The following JMJD1C variants were observed in gnomAD, a reference collection of about 807,000 sequenced individuals.
JMJD1C encodes jumonji domain-containing protein 1C.
Under a neutral mutation model 245.3 loss-of-function variants are expected in JMJD1C, and 31 were observed. The observed-to-expected ratio is 0.13, with a 90% CI of 0.09 to 0.17. The LOEUF (loss-of-function observed/expected upper bound fraction) is 0.17, where lower values mean the gene tolerates loss of function less well. Among genes scored for constraint, JMJD1C ranks in the 10% least tolerant of loss-of-function variants. The pLI, the probability that JMJD1C is intolerant of heterozygous loss-of-function variation, is 1.00. For synonymous variants in JMJD1C, 1,057 were observed against 1,017.4 expected, an observed-to-expected ratio of 1.04 and a Z score of -0.74; for missense variants, 2,691 against 3,000.2, an observed-to-expected ratio of 0.90 and a Z score of 2.41.
At chr10:63,368,077 A>G (rs1946003812) in intron 2 of JMJD1C, among the ~76,000 whole-genome samples, 1 of 152,230 alleles carries the variant, frequency 6.6e-6, no homozygotes, top group Admixed American at 6.5e-5. Context: ...ACAGAATAGA[A>G]GCTGGGCAAA....
At chr10:63,503,926 A>T (rs1954639472) in intron 1 of JMJD1C, among the ~76,000 whole-genome samples, 1 of 152,152 alleles carries the variant, frequency 6.6e-6, no homozygotes, top group Non-Finnish European at 1.5e-5. Flanking sequence ...CAGTATCTCC[A>T]ACCACCAGGG....
intron 8 of JMJD1C, among the ~76,000 whole-genome samples, chr10:63,213,215 C>T (rs921975106): frequency 2.0e-5 from 3 of 149,344 alleles, no homozygotes; most frequent in African/African-American, 7.4e-5. Context: ...AGAAAATATA[C>T]CAAAAATTTA....
chr10:63,491,013 T>C (rs1954157733), intron 1 of JMJD1C, among the ~76,000 whole-genome samples: 1 of 152,182 alleles, frequency 6.6e-6, no homozygotes, highest in African/African-American at 2.4e-5. Flanking sequence ...TAAGTACTAG[T>C]TTACTAACCT....
At chr10:63,230,834 C>CT (rs1488033667) in intron 3 of JMJD1C, among the ~76,000 whole-genome samples, 1 of 151,628 alleles carries the variant, frequency 6.6e-6, no homozygotes, top group Admixed American at 6.6e-5. Flanking sequence ...ACAAAATTGT[C>CT]TCCAAATGCT....
At chr10:63,386,759 A>G (rs1363482973) in intron 1 of JMJD1C, among the ~76,000 whole-genome samples, 1 of 152,178 alleles carries the variant, frequency 6.6e-6, no homozygotes, top group Non-Finnish European at 1.5e-5. Context: ...TGCTACTGAC[A>G]TCAACTATGC....
intron 1 of JMJD1C, among the ~76,000 whole-genome samples, chr10:63,396,890 C>T (rs1948528714): frequency 6.8e-6 from 1 of 147,922 alleles, no homozygotes; most frequent in Non-Finnish European, 1.5e-5. Context: ...TTTTTTATAC[C>T]TTCATATCAC....
intron 3 of JMJD1C, among the ~76,000 whole-genome samples, chr10:63,228,878 C>T (rs1404450087): frequency 6.6e-6 from 1 of 152,034 alleles, no homozygotes; most frequent in Non-Finnish European, 1.5e-5. Context: ...AATGCTTAGC[C>T]TTCCAAATAT....
At chr10:63,284,024 T>G (rs943622117) in intron 2 of JMJD1C, among the ~76,000 whole-genome samples, 2 of 151,906 alleles carry the variant, frequency 1.3e-5, no homozygotes, top group African/African-American at 4.8e-5. Context: ...TCTTCTTTTT[T>G]TTTTTGTTTT....
At chr10:63,329,625 T>C (rs1020474754) in intron 2 of JMJD1C, among the ~76,000 whole-genome samples, 1 of 152,120 alleles carries the variant, frequency 6.6e-6, no homozygotes, top group South Asian at 2.1e-4. Flanking sequence ...TATATACAAA[T>C]GGTCTCTGAC....
At chr10:63,262,260 T>C (rs1854868083) in intron 3 of JMJD1C, among the ~76,000 whole-genome samples, 2 of 152,180 alleles carry the variant, frequency 1.3e-5, no homozygotes, top group Non-Finnish European at 2.9e-5. Context: ...CAATCTGGTA[T>C]AGAGCCATTG....
intron 2 of JMJD1C, among the ~76,000 whole-genome samples, chr10:63,301,083 T>C (rs1342269700): frequency 1.3e-5 from 2 of 152,168 alleles, no homozygotes; most frequent in East Asian, 3.8e-4. Context: ...TGGCATGACC[T>C]TGGCTCACTG....
At chr10:63,351,794 T>TA (rs1944386556) in intron 2 of JMJD1C, among the ~76,000 whole-genome samples, 3 of 152,166 alleles carry the variant, frequency 2.0e-5, no homozygotes, top group Non-Finnish European at 4.4e-5. Context: ...ACCGAGCAAA[T>TA]ACGGCTTAAA....
At chr10:63,265,191 A>G (rs1050536266) in intron 2 of JMJD1C, among the ~76,000 whole-genome samples, 1 of 151,848 alleles carries the variant, frequency 6.6e-6, no homozygotes, top group Admixed American at 6.6e-5. Flanking sequence ...CTTTTTGTCT[A>G]GCTCATTCAC....
chr10:63,395,745 A>T (rs1589663700), intron 1 of JMJD1C, among the ~76,000 whole-genome samples: 1 of 152,328 alleles, frequency 6.6e-6, no homozygotes, highest in South Asian at 2.1e-4. Flanking sequence ...AGCAGATAAT[A>T]TAATGAAATA....
At chr10:63,305,379 A>AAC (rs1554880548) in intron 2 of JMJD1C, among the ~76,000 whole-genome samples, 1 of 80,140 alleles carries the variant, frequency 1.2e-5, no homozygotes, top group African/African-American at 3.1e-5. Context: ...AAAAAAAACA[A>AAC]AAAACAAAAA....
chr10:63,440,353 A>AAATAT (rs1554937972), intron 1 of JMJD1C, among the ~76,000 whole-genome samples: 114 of 120,244 alleles, frequency 9.5e-4, no homozygotes, highest in African/African-American at 2.3e-3. Context: ...AAAAAAAAAA[A>AAATAT]ATATATATAT....
intron 2 of JMJD1C, among the ~76,000 whole-genome samples, chr10:63,309,379 A>G (rs928404139): frequency 1.8e-4 from 27 of 150,080 alleles, no homozygotes; most frequent in African/African-American, 6.6e-4. Context: ...CTGTAATCCC[A>G]GGTACTCAGG....
At chr10:63,258,036 A>T (rs1382945561) in intron 3 of JMJD1C, among the ~76,000 whole-genome samples, 2 of 152,170 alleles carry the variant, frequency 1.3e-5, no homozygotes, top group Non-Finnish European at 2.9e-5. Flanking sequence ...TGGTAGGAAG[A>T]GAAAGGAGTT....
chr10:63,258,594 T>C (rs947795535), intron 3 of JMJD1C, among the ~76,000 whole-genome samples: 13 of 152,286 alleles, frequency 8.5e-5, no homozygotes, highest in Non-Finnish European at 1.8e-4. Flanking sequence ...GGCAAATGTC[T>C]GGATTACCAT....
Sources: gnomAD v4.1 joint callset for allele counts (sites outside exome capture counted in the v4.1 genomes callset) on GRCh38, gnomAD v4.1.1 for gene constraint, MANE v1.5 for transcripts, NCBI Gene and HGNC (gene_info 2026-07-23, HGNC 2026-07-21) for gene names.